FDFT1: variants seen among roughly 807,000 people sequenced by gnomAD.
FDFT1 encodes squalene synthase.
In FDFT1, 68 loss-of-function variants were observed where a neutral mutation model predicts 46.8. That is an observed-to-expected ratio of 1.45 (90% CI 1.19 to 1.78). The LOEUF (loss-of-function observed/expected upper bound fraction) is 1.78. FDFT1 is among the 40% of genes most tolerant of loss of function. The pLI is 0.00. For synonymous variants in FDFT1, 351 were observed against 185.1 expected, an observed-to-expected ratio of 1.90 and a Z score of -7.28; for missense variants, 928 against 524.4, an observed-to-expected ratio of 1.77 and a Z score of -7.52.
Position 11,830,289 on chromosome 8 carries a change from G to T in FDFT1, c.748G>T (p.Glu250Ter). The T allele has an allele frequency of 6.2e-7, 1 of 1,614,008 alleles. No homozygotes were observed. Among genetic ancestry groups the T allele is most frequent in the Non-Finnish European group, 8.5e-7 (1 of 1,179,918 alleles). ...VKKLGDFAKP[E>*]NIDLAVQCLN... ...GAAGTTAGGGGATTTTGCTAAGCCG[G>T]AGAATATTGACTTGGCCGTGCAGTG... The change falls in exon 6 of 8, where the codon GAG (glutamate) becomes TAG (stop). Residue 250 changes from glutamate to a stop codon, truncating the protein, a stop_gained. Transcript: ENST00000220584. LOFTEE classifies it high-confidence loss of function.
At chr8:11,797,421 C>G (rs371927764), upstream of FDFT1, among the ~76,000 whole-genome samples, 1 of 152,122 alleles carries the variant, frequency 6.6e-6, no homozygotes, top group Non-Finnish European at 1.5e-5. Context: ...CTGTTTCTTC[C>G]TCTGCATTGT....
chr8:11,806,082 GGCTGGTA>G (rs1164692418), intron 1 of FDFT1, among the ~76,000 whole-genome samples: 2 of 152,162 alleles, frequency 1.3e-5, no homozygotes, highest in African/African-American at 2.4e-5. Flanking sequence ...CTCCGTGGAG[GGCTGGTA>G]GCTGGTAGCT....
Position 11,838,772 on chromosome 8 carries a change from C to G in FDFT1, c.*163C>G, listed in dbSNP as rs1811928841. The G allele has an allele frequency of 3.1e-6, 2 of 641,298 alleles. No individual in the cohort carries two copies. Among genetic ancestry groups the G allele is most frequent in the Non-Finnish European group, 2.7e-6 (1 of 364,706 alleles). 39.7% of individuals were successfully genotyped at this position (641,298 alleles called of 1,614,324 possible). The stretch of plus-strand genomic sequence containing the variant: ...AAAGTGAAATGCAGGTGAGAAGAAC[C>G]TAAACATGAAAGGAAAGGGTGCCTC... On this transcript the variant is annotated 3_prime_UTR_variant, in exon 8 of 8. Coordinates refer to ENST00000220584, the MANE Select transcript of FDFT1 (RefSeq NM_004462.5).
At chr8:11,836,397 C>T (rs1004048713) in intron 7 of FDFT1, among the ~76,000 whole-genome samples, 1 of 152,238 alleles carries the variant, frequency 6.6e-6, no homozygotes, top group East Asian at 1.9e-4. Flanking sequence ...CCTCTCGCTT[C>T]CTGCCCTTGG....
At chr8:11,810,933 T>TAAAAAAAAAAA in intron 3 of FDFT1, among the ~76,000 whole-genome samples, 1 of 89,422 alleles carries the variant, frequency 1.1e-5, no homozygotes, top group Non-Finnish European at 2.1e-5. Context: ...GAGCAATATT[T>TAAAAAAAAAAA]AAAAAAAAAA....
chr8:11,824,967 T>C (rs2740591), intron 4 of FDFT1, among the ~76,000 whole-genome samples: 117,326 of 152,040 alleles, frequency 0.77, 46,379 homozygotes, highest in African/African-American at 0.86. Context: ...GATCTCCTGA[T>C]CTCGTGATCC....
intron 2 of FDFT1, chr8:11,809,380 T>G: frequency 1.7e-6 from 2 of 1,157,120 alleles, no homozygotes; most frequent in Non-Finnish European, 2.1e-6. Flanking sequence ...AAACGTTTGG[T>G]CTTCTGGTCT....
At chr8:11,812,285 T>C (rs1326105945) in intron 3 of FDFT1, among the ~76,000 whole-genome samples, 6 of 152,226 alleles carry the variant, frequency 3.9e-5, no homozygotes, top group Non-Finnish European at 7.3e-5. Context: ...ACAGTCTATT[T>C]CCTAAGGTCA....
chr8:11,814,837 T>C (rs957410968), intron 3 of FDFT1, among the ~76,000 whole-genome samples: 2 of 152,138 alleles, frequency 1.3e-5, no homozygotes, highest in East Asian at 3.9e-4. Flanking sequence ...CTCACTAGAA[T>C]CTAAGCTCTT....
intron 2 of FDFT1, 85 bp from the exon 3 acceptor site, chr8:11,809,582 G>C: frequency 1.4e-6 from 2 of 1,406,162 alleles, no homozygotes; most frequent in Non-Finnish European, 9.5e-7. Context: ...GATGGGTTTA[G>C]AAAGTGGCCA....
At chr8:11,825,678 C>G (rs1298660474) in intron 4 of FDFT1, among the ~76,000 whole-genome samples, 1 of 137,312 alleles carries the variant, frequency 7.3e-6, no homozygotes, top group African/African-American at 2.7e-5. Flanking sequence ...ATATATGAGA[C>G]TCCATCTCAA....
At chr8:11,821,900 CTGTG>C in intron 4 of FDFT1, 22 bp downstream of exon 4, 1 of 1,610,230 alleles carries the variant, frequency 6.2e-7, no homozygotes, top group African/African-American at 1.3e-5. Context: ...AAAACAGTGT[CTGTG>C]TGTGATGTAT....
intron 3 of FDFT1, 50 bp from the exon 4 acceptor site, chr8:11,821,700 A>G (rs1481002306): frequency 9.4e-6 from 15 of 1,599,760 alleles, no homozygotes; most frequent in African/African-American, 2.7e-5. Context: ...CTTTGGTGCC[A>G]TGTCTGTACA....
upstream of FDFT1, among the ~76,000 whole-genome samples, chr8:11,799,163 G>A (rs1805856702): frequency 6.6e-6 from 1 of 152,200 alleles, no homozygotes; most frequent in South Asian, 2.1e-4. Flanking sequence ...AGGTCAAAAG[G>A]TCTTTTTAGG....
At chr8:11,830,050 C>A (rs564744526) in intron 5 of FDFT1, among the ~76,000 whole-genome samples, 194 bp from the exon 6 acceptor site, 1 of 152,124 alleles carries the variant, frequency 6.6e-6, no homozygotes, top group South Asian at 2.1e-4. Flanking sequence ...GTTTCACCAC[C>A]TTGGCCAGGC....
chr8:11,799,647 G>T (rs2686195), upstream of FDFT1, among the ~76,000 whole-genome samples: 147,383 of 152,350 alleles, frequency 0.97, 71,446 homozygotes, highest in East Asian at 1. Flanking sequence ...CCTGGTGCTG[G>T]AAAGAAATAG....
chr8:11,832,944 A>G (rs1811045443), intron 7 of FDFT1, among the ~76,000 whole-genome samples: 1 of 152,250 alleles, frequency 6.6e-6, no homozygotes, highest in Admixed American at 6.5e-5. Context: ...GGTTTGCAAC[A>G]GTGTTTTCAT....
intron 3 of FDFT1, among the ~76,000 whole-genome samples, chr8:11,815,797 ATT>A (rs1808361593): frequency 6.6e-6 from 1 of 151,908 alleles, no homozygotes; most frequent in Non-Finnish European, 1.5e-5. Context: ...AATTACAAAA[ATT>A]TTCTCCTATT....
chr8:11,831,529 T>C lies in FDFT1; in HGVS notation c.891T>C (p.Ile297=), dbSNP rs1435495011. 1 of 1,614,012 alleles carries C rather than the reference T, an allele frequency of 6.2e-7. No individual in the cohort carries two copies. Among genetic ancestry groups the C allele is most frequent in the African/African-American group, 1.3e-5 (1 of 74,946 alleles). The change falls in exon 7 of 8, where the codon ATT becomes ATC. Residue 297 remains isoleucine (I), a synonymous_variant. Coordinates refer to ENST00000220584, the MANE Select transcript of FDFT1 (RefSeq NM_004462.5). Reference sequence around the variant, plus strand: ...CTTGTTGTCTCTAGGTGATGGCCATTGCCACTTTGGCTGCCTGTTATAATA... The same window carrying C: ...CTTGTTGTCTCTAGGTGATGGCCATCGCCACTTTGGCTGCCTGTTATAATA... ...NFCAIPQVMA[I]ATLAACYNNQ...
Sources: gnomAD v4.1 joint callset for allele counts (sites outside exome capture counted in the v4.1 genomes callset) on GRCh38, gnomAD v4.1.1 for gene constraint, MANE v1.5 for transcripts, NCBI Gene and HGNC (gene_info 2026-07-23, HGNC 2026-07-21) for gene names.